The following ZNF805 variants were observed in gnomAD, a reference collection of about 807,000 sequenced individuals.
ZNF805 encodes the protein CTC-444N24.8.
Under a neutral mutation model 13.6 loss-of-function variants are expected in ZNF805, and 7 were observed. The observed-to-expected ratio is 0.51, with a 90% CI of 0.29 to 0.97. The LOEUF is 0.97. Among genes scored for constraint, ZNF805 ranks in the 50% least tolerant of loss-of-function variants. ZNF805 has a pLI of 0.08. For missense variants in ZNF805, 604 were observed against 771.0 expected (o/e 0.78, Z 2.57); for synonymous variants, 293 against 279.8 (o/e 1.05, Z -0.47).
Position 57,244,048 on chromosome 19 carries a change from G to A in ZNF805, c.156G>A (p.Leu52=). Residue 52 remains leucine, a splice_region_variant and synonymous_variant, in exon 2 of 4, where the codon CTG becomes CTA. Transcript: ENST00000414468. ...MLENCGLLVS[L]GCPVPRPELI... Reference sequence around the variant, plus strand: ...AAAACTGTGGGCTCCTGGTATCTCTGGGTAAGGCCTTCCCCCTCCACCATG... The same window carrying A: ...AAAACTGTGGGCTCCTGGTATCTCTAGGTAAGGCCTTCCCCCTCCACCATG... 6.2e-7 allele frequency: 1 copy of A among 1,613,472 alleles called. No homozygotes were observed. Among genetic ancestry groups the A allele is most frequent in the Non-Finnish European group, 8.5e-7 (1 of 1,179,704 alleles).
chr19:57,240,822 C>T lies in ZNF805; in HGVS notation c.-70C>T. 1.4e-6 allele frequency: 2 copies of T among 1,477,998 alleles called. No homozygotes were observed. Among genetic ancestry groups the T allele is most frequent in the Admixed American group, 2.1e-5 (1 of 47,242 alleles). The allele number at this position is 1,477,998 out of a possible 1,614,324, so 91.6% of individuals were successfully genotyped here. A position where few individuals can be genotyped will look rare whatever the true frequency, so the allele number is the denominator to read the frequency against. ...GGCCCGGCGCAGGGAAGGGGTGGGG[C>T]TCGGCTGAGCCCGCGAGACCCGCCC... On this transcript the variant is annotated 5_prime_UTR_variant, in exon 1 of 4. Coordinates refer to ENST00000414468, the MANE Select transcript of ZNF805 (RefSeq NM_001023563.4).
intron 3 of ZNF805, among the ~76,000 whole-genome samples, chr19:57,249,605 G>A (rs905578318): frequency 6.6e-6 from 1 of 152,076 alleles, no homozygotes; most frequent in Admixed American, 6.5e-5. Context: ...GAACTCTGGG[G>A]AATAGGGCCT....
chr19:57,246,774 C>CAAAAAA (rs1168593434), intron 2 of ZNF805, among the ~76,000 whole-genome samples: 2 of 86,246 alleles, frequency 2.3e-5, no homozygotes, highest in Non-Finnish European at 2.6e-5. Flanking sequence ...GACTTCGTCT[C>CAAAAAA]AAAAAAAAAA....
At chr19:57,245,818 G>T (rs1423244264) in intron 2 of ZNF805, among the ~76,000 whole-genome samples, 1 of 151,754 alleles carries the variant, frequency 6.6e-6, no homozygotes. Context: ...TTGACAGCTA[G>T]TGGGTGGAGA....
rs754792316 is a variant in ZNF805 at position 57,253,836 on chromosome 19, T to A, written c.1017T>A (p.Gly339=). The A allele has an allele frequency of 5.6e-6, 9 of 1,613,578 alleles. No individual in the cohort carries two copies. Among genetic ancestry groups the A allele is most frequent in the Admixed American group, 3.3e-5 (2 of 59,968 alleles). ...GFIRHYIIHS[G]ENPYECFECG... is the part of the protein sequence containing the mutation. The stretch of plus-strand genomic sequence containing the variant: ...TTCGACACTACATCATCCACAGTGG[T>A]GAGAATCCCTACGAGTGCTTCGAAT... Residue 339 remains glycine (G), a synonymous_variant, in exon 4 of 4, where the codon GGT becomes GGA. Coordinates refer to ENST00000414468, the MANE Select transcript of ZNF805 (RefSeq NM_001023563.4). The surrounding 1 kb of genome is among the most constrained non-coding windows in gnomAD (Gnocchi z 4.4).
intron 3 of ZNF805, among the ~76,000 whole-genome samples, chr19:57,250,706 A>G (rs781580986): frequency 6.6e-6 from 1 of 152,340 alleles, no homozygotes; most frequent in Admixed American, 6.5e-5. Flanking sequence ...GCAACTCAGC[A>G]TATGACTGCT....
intron 3 of ZNF805, among the ~76,000 whole-genome samples, chr19:57,249,930 C>T (rs550425678): frequency 1.3e-5 from 2 of 151,254 alleles, no homozygotes; most frequent in South Asian, 2.1e-4. Flanking sequence ...CCTGTTCAGC[C>T]CTTCAGAGTC....
Position 57,248,792 on chromosome 19 carries a change from C to T in ZNF805, c.253+92C>T. The stretch of plus-strand genomic sequence containing the variant: ...CTGGGATCTCTTGGGAAGCTTCTCA[C>T]TGTGGCTTCTCTAAGGGTTTGGGAG... On this transcript the variant is annotated intron_variant, in intron 3 of 3. Coordinates refer to ENST00000414468, the MANE Select transcript of ZNF805 (RefSeq NM_001023563.4). 3 of 1,173,348 alleles carry T rather than the reference C, an allele frequency of 2.6e-6. No individual in the cohort carries two copies. In the South Asian group the frequency reaches 3.9e-5, roughly 15 times the overall value. The allele number at this position is 1,173,348 out of a possible 1,614,324, so 72.7% of individuals were successfully genotyped here.
rs1375640238 is a variant in ZNF805 at position 57,261,530 on chromosome 19, T to C, written c.*6827T>C. 1.2e-5 allele frequency: 2 copies of C among 167,000 alleles called. No individual in the cohort carries two copies. Among genetic ancestry groups the C allele is most frequent in the Admixed American group, 6.5e-5 (1 of 15,270 alleles). The allele number at this position is 167,000 out of a possible 1,614,324, so 10.3% of individuals were successfully genotyped here. A position where few individuals can be genotyped will look rare whatever the true frequency, so the allele number is the denominator to read the frequency against. On this transcript the variant is annotated 3_prime_UTR_variant, in exon 4 of 4. Coordinates refer to ENST00000414468, the MANE Select transcript of ZNF805 (RefSeq NM_001023563.4). ...TTTGTTCCGTAGTAGACCCTCAATA[T>C]ATATGTGTGTGTTGGTAAATGGCCA...
chr19:57,241,484 A>C (rs1015947496), intron 1 of ZNF805, among the ~76,000 whole-genome samples: 3 of 152,154 alleles, frequency 2.0e-5, no homozygotes, highest in African/African-American at 7.2e-5. Context: ...AAGCTGCTTA[A>C]TAATTGCTTG....
At position 57,254,929 on chromosome 19, in the gene ZNF805, T is replaced by G; in HGVS notation, c.*226T>G. The G allele has an allele frequency of 1.9e-6, 1 of 536,200 alleles. No homozygotes were observed. Among genetic ancestry groups the G allele is most frequent in the African/African-American group, 1.9e-5 (1 of 52,192 alleles). 33.2% of individuals were successfully genotyped at this position (536,200 alleles called of 1,614,324 possible). ...AGGTGACATAGAAAAGAAAATGAAATGCAGACACTGCTTTTATACTGTTGT... is the reference window on the plus strand; with the variant it reads ...AGGTGACATAGAAAAGAAAATGAAAGGCAGACACTGCTTTTATACTGTTGT... On this transcript the variant is annotated 3_prime_UTR_variant, in exon 4 of 4. Coordinates refer to ENST00000414468, the MANE Select transcript of ZNF805 (RefSeq NM_001023563.4).
rs1445948794 is a variant in ZNF805, at chr19:57,253,414, G to A, written c.595G>A (p.Glu199Lys). The change falls in exon 4 of 4, where the codon GAG (glutamate) becomes AAG (lysine). Residue 199 changes from glutamate to lysine, a missense_variant. Transcript: ENST00000414468. This position sits in a 1 kb window ranked among gnomAD's most constrained non-coding sequence, Gnocchi z 4.4. ...GSGKNPVIQEEENIFKCNECE... is the reference protein window; with the variant it reads ...GSGKNPVIQEKENIFKCNECE... Reference sequence around the variant, plus strand: ...AGGTAAAAATCCAGTTATTCAGGAAGAGGAAAATATCTTTAAATGCAATGA... The same window carrying A: ...AGGTAAAAATCCAGTTATTCAGGAAAAGGAAAATATCTTTAAATGCAATGA... 1.9e-6 allele frequency: 3 copies of A among 1,562,428 alleles called. No individual in the cohort carries two copies. The African/African-American group carries it at 4.1e-5, about 21-fold the overall frequency.
rs1003642999 is a variant in ZNF805, at chr19:57,254,936, A to G, written c.*233A>G. On this transcript the variant is annotated 3_prime_UTR_variant, in exon 4 of 4. Transcript: ENST00000414468. ...ATAGAAAAGAAAATGAAATGCAGAC[A>G]CTGCTTTTATACTGTTGTCTTGTAT... 2.9e-5 allele frequency: 15 copies of G among 521,746 alleles called. No individual in the cohort carries two copies. The highest frequency in any genetic ancestry group is 5.2e-5 in the Non-Finnish European group (15 of 288,206). 32.3% of individuals were successfully genotyped at this position (521,746 alleles called of 1,614,324 possible).
At chr19:57,244,770 C>T (rs778793846) in intron 2 of ZNF805, among the ~76,000 whole-genome samples, 3 of 152,200 alleles carry the variant, frequency 2.0e-5, no homozygotes, top group Non-Finnish European at 4.4e-5. Flanking sequence ...TCAGCGAGTT[C>T]AGGGGAAGAG....
At position 57,253,173 on chromosome 19, in the gene ZNF805, G is replaced by A; in HGVS notation, c.354G>A (p.Gly118=). ...FWGQLTQGAS[G]DSQLGQPKDQ... The stretch of plus-strand genomic sequence containing the variant: ...GACAACTAACACAAGGAGCTTCAGG[G>A]GACTCCCAGTTGGGGCAACCCAAGG... Residue 118 remains glycine (G), a synonymous_variant, in exon 4 of 4, where the codon GGG becomes GGA. Transcript: ENST00000414468. The surrounding 1 kb of genome is among the most constrained non-coding windows in gnomAD (Gnocchi z 4.4). The A allele has an allele frequency of 6.4e-7, 1 of 1,558,292 alleles. No homozygotes were observed. The highest frequency in any genetic ancestry group is 8.7e-7 in the Non-Finnish European group (1 of 1,151,938).
At position 57,257,984 on chromosome 19, in the gene ZNF805, T is replaced by C. The variant is rs529447762; in HGVS notation, c.*3281T>C. ...CAGCCTCCCAAAGTGCTAGGATTAC[T>C]GGTATGAGCAACCACGCACAGCATT... is the stretch of plus-strand genomic sequence containing the variant. On this transcript the variant is annotated 3_prime_UTR_variant, in exon 4 of 4. Coordinates refer to ENST00000414468, the MANE Select transcript of ZNF805 (RefSeq NM_001023563.4). Among the ~76,000 whole-genome samples, 1 of 145,324 alleles carries C rather than the reference T, an allele frequency of 6.9e-6. No homozygotes were observed. The highest frequency in any genetic ancestry group is 1.5e-5 in the Non-Finnish European group (1 of 66,512).
rs774920091 is a variant in ZNF805 at position 57,253,342 on chromosome 19, C to T, written c.523C>T (p.Arg175Ter). The change falls in exon 4 of 4, where the codon CGA (arginine) becomes TGA (stop). Residue 175 changes from arginine (R) to a stop codon, truncating the protein, a stop_gained. Coordinates refer to ENST00000414468, the MANE Select transcript of ZNF805 (RefSeq NM_001023563.4). LOFTEE classifies it low-confidence loss of function (END_TRUNC). This position sits in a 1 kb window ranked among gnomAD's most constrained non-coding sequence, Gnocchi z 4.4. ...DSVCSRIIQD[R>*]VSLGDDVHDC... Reference sequence around the variant, plus strand: ...TGTGTGTTCAAGGATTATACAGGATCGAGTCTCCTTAGGAGATGATGTCCA... The same window carrying T: ...TGTGTGTTCAAGGATTATACAGGATTGAGTCTCCTTAGGAGATGATGTCCA... The T allele has an allele frequency of 2.5e-6, 4 of 1,571,932 alleles. No homozygotes were observed. The highest frequency in any genetic ancestry group is 2.3e-5 in the East Asian group (1 of 42,668).
At chr19:57,247,500 T>C (rs994691031) in intron 2 of ZNF805, among the ~76,000 whole-genome samples, 7 of 152,220 alleles carry the variant, frequency 4.6e-5, no homozygotes, top group African/African-American at 1.7e-4. Context: ...TGTGCCTCAG[T>C]GTTCTCATTG....
intron 1 of ZNF805, among the ~76,000 whole-genome samples, chr19:57,243,197 T>C (rs887251258): frequency 6.6e-6 from 1 of 152,094 alleles, no homozygotes; most frequent in Non-Finnish European, 1.5e-5. Flanking sequence ...GTCTGGGTAA[T>C]AGAGTGAGAC....
Sources: allele counts gnomAD v4.1 joint callset (sites outside exome capture counted in the v4.1 genomes callset), GRCh38; gene constraint gnomAD v4.1.1; non-coding constraint Gnocchi (gnomAD v3.1); transcripts MANE v1.5; gene names NCBI Gene and HGNC (gene_info 2026-07-23, HGNC 2026-07-21).